The following WDR27 variants were observed in gnomAD, a reference collection of about 807,000 sequenced individuals.
The protein encoded by WDR27 is WD repeat-containing protein 27.
In WDR27, 100 loss-of-function variants were observed where a neutral mutation model predicts 114.4. The ratio of observed to expected loss-of-function variants is 0.87; its 90% CI spans 0.74 to 1.03. The LOEUF is 1.03. Among genes scored for constraint, WDR27 ranks in the 50% least tolerant of loss-of-function variants. The pLI, the probability that WDR27 is intolerant of heterozygous loss-of-function variation, is 0.00. For synonymous variants in WDR27, 449 were observed against 423.1 expected, an observed-to-expected ratio of 1.06 and a Z score of -0.75; for missense variants, 1,129 against 1,092.9, an observed-to-expected ratio of 1.03 and a Z score of -0.47.
At chr6:169,527,978 T>C (rs527968454) in intron 25 of WDR27, among the ~76,000 whole-genome samples, 1 of 152,256 alleles carries the variant, frequency 6.6e-6, no homozygotes, top group Admixed American at 6.5e-5. Flanking sequence ...GCATTTCTAA[T>C]TAATAAGGAA....
intron 6 of WDR27, 87 bp from the exon 7 acceptor site, chr6:169,665,643 C>G (rs560736372): frequency 8.2e-7 from 1 of 1,218,916 alleles, no homozygotes; most frequent in South Asian, 1.5e-5. Context: ...TATCTCTTTA[C>G]ACGTAATATT....
At chr6:169,636,164 G>A (rs7739255) in intron 19 of WDR27, among the ~76,000 whole-genome samples, 5,865 of 152,214 alleles carry the variant, frequency 0.039, 392 homozygotes, top group African/African-American at 0.13. Context: ...CTCTGATTCC[G>A]TCATGCCAAA....
At chr6:169,660,885 G>A in intron 9 of WDR27, 119 bp from the exon 10 acceptor site, 1 of 846,112 alleles carries the variant, frequency 1.2e-6, no homozygotes, top group South Asian at 1.6e-5. Context: ...GTGGGCGTTG[G>A]GCCCCACGTG....
At position 169,672,306 on chromosome 6, in the gene WDR27, C is replaced by A. The variant is rs759143944; in HGVS notation, c.280G>T (p.Asp94Tyr). The A allele has an allele frequency of 1.2e-6, 2 of 1,613,740 alleles. No homozygotes were observed. The highest frequency in any genetic ancestry group is 2.2e-5 in the East Asian group (1 of 44,876). The change falls in exon 3 of 26, where the codon GAT (aspartate) becomes TAT (tyrosine). Residue 94 changes from aspartate to tyrosine, a missense_variant. Asp to Tyr is a radical substitution (Grantham distance 160, BLOSUM62 -3). Transcript: ENST00000448612. ...NPLLICSASL[D>Y]YVIMWNLDEC... ...TCCAGGTTCCACATTATAACATAATCCAGTGATGCTGAGCAGATTAGAAGT... is the reference window on the plus strand; with the variant it reads ...TCCAGGTTCCACATTATAACATAATACAGTGATGCTGAGCAGATTAGAAGT...
intron 25 of WDR27, among the ~76,000 whole-genome samples, chr6:169,499,797 G>T (rs1790892795): frequency 6.6e-6 from 1 of 152,194 alleles, no homozygotes; most frequent in South Asian, 2.1e-4. Context: ...TAGAGAGATG[G>T]GCCCGTCACA....
intron 25 of WDR27, among the ~76,000 whole-genome samples, chr6:169,529,604 C>T (rs1289799001): frequency 6.6e-6 from 1 of 152,166 alleles, no homozygotes; most frequent in Non-Finnish European, 1.5e-5. Context: ...CAGAGTTATG[C>T]TTCACTTTTT....
At chr6:169,667,445 G>C in intron 5 of WDR27, 1 of 953,238 alleles carries the variant, frequency 1.0e-6, no homozygotes, top group Admixed American at 6.2e-5. Context: ...AATGAAACAA[G>C]GTGAAAAACA....
chr6:169,666,572 C>G (rs902176788), intron 6 of WDR27: 9 of 985,516 alleles, frequency 9.1e-6, no homozygotes, highest in Non-Finnish European at 1.1e-5. Context: ...TGGGGCGTCA[C>G]AGACCGCTCC....
At chr6:169,597,686 G>C (rs1807079527) in intron 23 of WDR27, among the ~76,000 whole-genome samples, 1 of 152,114 alleles carries the variant, frequency 6.6e-6, no homozygotes, top group Admixed American at 6.5e-5. Flanking sequence ...GTCTTCTGCT[G>C]AGCCTACCTG....
chr6:169,464,190 G>C (rs949576807), intron 25 of WDR27, among the ~76,000 whole-genome samples: 3 of 152,150 alleles, frequency 2.0e-5, no homozygotes, highest in African/African-American at 4.8e-5. Context: ...TCGACCTATA[G>C]ACAAATGGGA....
At chr6:169,525,535 CA>C (rs569369732) in intron 25 of WDR27, among the ~76,000 whole-genome samples, 1,542 of 96,906 alleles carry the variant, frequency 0.016, 19 homozygotes, top group East Asian at 0.049. Flanking sequence ...GACTCCATCT[CA>C]AAAAAAAAAA....
chr6:169,608,360 A>G (rs1213473759), intron 22 of WDR27, among the ~76,000 whole-genome samples: 1 of 152,188 alleles, frequency 6.6e-6, no homozygotes, highest in Non-Finnish European at 1.5e-5. Flanking sequence ...GTCCATTTTA[A>G]TGCTGCTGAT....
intron 25 of WDR27, among the ~76,000 whole-genome samples, chr6:169,534,868 C>G (rs1048025030): frequency 6.6e-6 from 1 of 150,850 alleles, no homozygotes. Context: ...AATTTGTTAG[C>G]TAGGTAAAAC....
intron 1 of WDR27, among the ~76,000 whole-genome samples, chr6:169,691,541 A>C (rs569592555): frequency 1.3e-5 from 2 of 152,270 alleles, no homozygotes; most frequent in East Asian, 3.9e-4. Context: ...AAAACATAAA[A>C]CATCTTCGGA....
intron 25 of WDR27, among the ~76,000 whole-genome samples, chr6:169,545,208 A>G (rs893581735): frequency 6.6e-6 from 1 of 152,258 alleles, no homozygotes; most frequent in African/African-American, 2.4e-5. Context: ...AGACAAAGAC[A>G]GAGCAATGAA....
chr6:169,669,346 T>C (rs767556803), intron 4 of WDR27, among the ~76,000 whole-genome samples: 1 of 152,120 alleles, frequency 6.6e-6, no homozygotes, highest in Non-Finnish European at 1.5e-5. Context: ...TAAGGAAGCG[T>C]GGGGAGGATC....
At chr6:169,570,175 A>G (rs1439166414) in intron 25 of WDR27, among the ~76,000 whole-genome samples, 1 of 152,198 alleles carries the variant, frequency 6.6e-6, no homozygotes, top group Non-Finnish European at 1.5e-5. Context: ...TCATGGCCAC[A>G]AGGAAACCAC....
At chr6:169,619,524 G>A (rs1042313391) in intron 21 of WDR27, among the ~76,000 whole-genome samples, 1 of 152,128 alleles carries the variant, frequency 6.6e-6, no homozygotes, top group Non-Finnish European at 1.5e-5. Context: ...TACATTTTAG[G>A]GACGCATGAG....
chr6:169,514,886 T>A (rs890671340), intron 25 of WDR27, among the ~76,000 whole-genome samples: 12 of 151,140 alleles, frequency 7.9e-5, no homozygotes, highest in African/African-American at 2.7e-4. Flanking sequence ...ATTACAAAAA[T>A]AATAATTACT....
Sources: gnomAD v4.1 joint callset for allele counts (sites outside exome capture counted in the v4.1 genomes callset) on GRCh38, gnomAD v4.1.1 for gene constraint, MANE v1.5 for transcripts, NCBI Gene and HGNC (gene_info 2026-07-23, HGNC 2026-07-21) for gene names.